The following GTF2H5 variants were observed in gnomAD, a reference collection of about 807,000 sequenced individuals.
GTF2H5 encodes the protein TFB5 ortholog.
GTF2H5 carries 5 observed loss-of-function variants against 7.1 expected under a neutral mutation model. That is an observed-to-expected ratio of 0.71 (90% CI 0.37 to 1.49). GTF2H5 has a LOEUF of 1.49. GTF2H5 is among the 40% of genes most tolerant of loss of function. The pLI is 0.03. For missense variants in GTF2H5, 80 were observed against 83.0 expected (o/e 0.96, Z 0.14); for synonymous variants, 30 against 31.7 (o/e 0.95, Z 0.18).
At chr6:158,179,080 C>T (rs913908943) in intron 2 of GTF2H5, among the ~76,000 whole-genome samples, 2 of 152,118 alleles carry the variant, frequency 1.3e-5, no homozygotes, top group South Asian at 2.1e-4. Context: ...CCAGTTTTCC[C>T]GACACCATTT....
intron 2 of GTF2H5, among the ~76,000 whole-genome samples, chr6:158,178,806 C>CA (rs1399410164): frequency 2.6e-5 from 4 of 152,176 alleles, no homozygotes; most frequent in Non-Finnish European, 5.9e-5. Context: ...GTTGCCTGTT[C>CA]ACTCTGATGA....
intron 2 of GTF2H5, 93 bp from the exon 3 acceptor site, chr6:158,191,884 C>A: frequency 1.0e-6 from 1 of 995,130 alleles, no homozygotes; most frequent in Non-Finnish European, 1.6e-6. Flanking sequence ...AAAAATCATT[C>A]TAAAAATTCT....
chr6:158,168,769 C>T (rs1334324007), intron 1 of GTF2H5, among the ~76,000 whole-genome samples: 1 of 152,248 alleles, frequency 6.6e-6, no homozygotes, highest in African/African-American at 2.4e-5. Flanking sequence ...GGAACTACGG[C>T]TTAATCTCTT....
At chr6:158,179,124 T>C (rs1430703515) in intron 2 of GTF2H5, among the ~76,000 whole-genome samples, 1 of 152,240 alleles carries the variant, frequency 6.6e-6, no homozygotes, top group Admixed American at 6.5e-5. Context: ...ATTGCTTGTG[T>C]GTGTCAGGTT....
At chr6:158,168,654 T>A (rs1483220449) in intron 1 of GTF2H5, among the ~76,000 whole-genome samples, 1 of 152,212 alleles carries the variant, frequency 6.6e-6, no homozygotes, top group Non-Finnish European at 1.5e-5. Context: ...TAAATGGGCG[T>A]ACGCTGAGTG....
intron 2 of GTF2H5, among the ~76,000 whole-genome samples, chr6:158,185,269 C>T (rs1006080312): frequency 5.9e-5 from 9 of 151,858 alleles, no homozygotes; most frequent in African/African-American, 9.7e-5. Flanking sequence ...ATGCCAGACA[C>T]GGTGGCACAC....
At chr6:158,177,195 C>T (rs1785945575) in intron 2 of GTF2H5, among the ~76,000 whole-genome samples, 1 of 152,228 alleles carries the variant, frequency 6.6e-6, no homozygotes. Flanking sequence ...TATATCCTCT[C>T]ACATGGTCTT....
In GTF2H5 at chr6:158,183,817, C is replaced by T. The variant is rs2114400; in HGVS notation, c.36-8160C>T. Among the ~76,000 whole-genome samples the T allele has an allele frequency of 4.9e-3, 753 of 152,356 alleles. 5 individuals carry two copies. Among genetic ancestry groups the T allele is most frequent in the African/African-American group, 0.017 (710 of 41,586 alleles). On this transcript the variant is annotated intron_variant, in intron 2 of 2. Transcript: ENST00000607778. ...CCAGGTATAGTCACTCATAGCTTCC[C>T]TTGGCTAGGAAAGGGAAATCCCCTG...
In GTF2H5 at chr6:158,198,464, G is replaced by A. The variant is rs974036964; in HGVS notation, c.*6307G>A. The A allele has an allele frequency of 2.6e-5, 4 of 152,040 alleles. No individual in the cohort carries two copies. The highest frequency in any genetic ancestry group is 2.6e-4 in the Admixed American group (4 of 15,256). The allele number at this position is 152,040 out of a possible 1,614,324, so 9.4% of individuals were successfully genotyped here. ...TTTATTTTTTTTGAAACAAGATCTC[G>A]CTCTGTTGCTCAGGCTGAAGTGCAA... is the stretch of plus-strand genomic sequence containing the variant. On this transcript the variant is annotated 3_prime_UTR_variant, in exon 3 of 3. Transcript: ENST00000607778.
Position 158,169,079 on chromosome 6 carries a change from C to A in GTF2H5, c.-35+684C>A, listed in dbSNP as rs890922286. On this transcript the variant is annotated intron_variant, in intron 1 of 2. Coordinates refer to ENST00000607778, the MANE Select transcript of GTF2H5 (RefSeq NM_207118.3). ...TGAAACCCTGCCTCTACTAAAAATACAAAATTTGGCCTGGCGTGGTGGCGG... is the reference window on the plus strand; with the variant it reads ...TGAAACCCTGCCTCTACTAAAAATAAAAAATTTGGCCTGGCGTGGTGGCGG... Among the ~76,000 whole-genome samples the A allele has an allele frequency of 6.6e-5, 10 of 151,254 alleles. 1 individual carries two copies. Among genetic ancestry groups the A allele is most frequent in the Admixed American group, 2.6e-4 (4 of 15,096 alleles).
At position 158,174,039 on chromosome 6, in the gene GTF2H5, A is replaced by G. The variant is rs375791284; in HGVS notation, c.35+3501A>G. On this transcript the variant is annotated intron_variant, in intron 2 of 2. Coordinates refer to ENST00000607778, the MANE Select transcript of GTF2H5 (RefSeq NM_207118.3). The stretch of plus-strand genomic sequence containing the variant: ...CGTGCGCATGCATTATGATTTGTGT[A>G]TGATAGTGGTGAAGGTTGCTTTTGT... Among the ~76,000 whole-genome samples, 174 of 152,052 alleles carry G rather than the reference A, an allele frequency of 1.1e-3. 1 individual carries two copies. The highest frequency in any genetic ancestry group is 3.9e-3 in the African/African-American group (163 of 41,474).
chr6:158,171,083 A>G (rs1373619747), intron 2 of GTF2H5, among the ~76,000 whole-genome samples: 3 of 152,182 alleles, frequency 2.0e-5, no homozygotes, highest in Non-Finnish European at 2.9e-5. Context: ...GAGCCAGTGC[A>G]TGGATAATGA....
At position 158,191,961 on chromosome 6, in the gene GTF2H5, GTGTT is replaced by G. The variant is rs1268804613; in HGVS notation, c.36-12_36-9del. 1 of 1,605,018 alleles carries G rather than the reference GTGTT, an allele frequency of 6.2e-7. No homozygotes were observed. Among genetic ancestry groups the G allele is most frequent in the Admixed American group, 1.7e-5 (1 of 60,016 alleles). Reference sequence around the variant, plus strand: ...TGACAACAAGCTGTCTTACAATCATGTGTTTGTCTTTACAGTGATCCTGCCATGA... The same window carrying G: ...TGACAACAAGCTGTCTTACAATCATGTGTCTTTACAGTGATCCTGCCATGA... On this transcript the variant is annotated splice_polypyrimidine_tract_variant and intron_variant, in intron 2 of 2. Transcript: ENST00000607778.
At position 158,169,720 on chromosome 6, in the gene GTF2H5, T is replaced by A. The variant is rs1392961799; in HGVS notation, c.-34-750T>A. Among the ~76,000 whole-genome samples the A allele has an allele frequency of 4.3e-5, 3 of 69,094 alleles. 1 individual carries two copies. Among genetic ancestry groups the A allele is most frequent in the African/African-American group, 3.1e-4 (3 of 9,796 alleles). The allele number at this position is 69,094 out of a possible 152,430, so 45.3% of individuals were successfully genotyped here. A position where few individuals can be genotyped will look rare whatever the true frequency, so the allele number is the denominator to read the frequency against. ...ATATAATATATTGTATATTATATAT[T>A]ATATAATATATTGTATATTATATAT... On this transcript the variant is annotated intron_variant, in intron 1 of 2. Transcript: ENST00000607778.
chr6:158,169,764 T>C lies in GTF2H5; in HGVS notation c.-34-706T>C, dbSNP rs1785810925. Reference sequence around the variant, plus strand: ...TATATATTATATAATATATTGTATATTATATATAATATATTGTATATTATA... The same window carrying C: ...TATATATTATATAATATATTGTATACTATATATAATATATTGTATATTATA... On this transcript the variant is annotated intron_variant, in intron 1 of 2. Transcript: ENST00000607778. Among the ~76,000 whole-genome samples the C allele has an allele frequency of 2.1e-5, 2 of 96,966 alleles. 1 individual carries two copies. Among genetic ancestry groups the C allele is most frequent in the Non-Finnish European group, 4.0e-5 (2 of 50,286 alleles). The allele number at this position is 96,966 out of a possible 152,430, so 63.6% of individuals were successfully genotyped here.
intron 2 of GTF2H5, among the ~76,000 whole-genome samples, chr6:158,173,553 G>A (rs1260585240): frequency 1.3e-5 from 2 of 152,160 alleles, no homozygotes; most frequent in East Asian, 1.9e-4. Context: ...TCCATGGATT[G>A]TATGAAGCAT....
intron 2 of GTF2H5, among the ~76,000 whole-genome samples, chr6:158,173,165 A>G (rs1325847901): frequency 6.6e-6 from 1 of 152,214 alleles, no homozygotes; most frequent in Non-Finnish European, 1.5e-5. Context: ...GCTTCAGTTT[A>G]ATAATGTTTC....
chr6:158,198,394 AC>A lies in GTF2H5; in HGVS notation c.*6238del, dbSNP rs1225560509. Reference sequence around the variant, plus strand: ...CATTGAAAGACTAGGCTATTTTTTCACTGTCCTCAGACATTTACTGAGTCCA... The same window carrying A: ...CATTGAAAGACTAGGCTATTTTTTCATGTCCTCAGACATTTACTGAGTCCA... On this transcript the variant is annotated 3_prime_UTR_variant, in exon 3 of 3. Transcript: ENST00000607778. 2 of 152,188 alleles carry A rather than the reference AC, an allele frequency of 1.3e-5. No individual in the cohort carries two copies. Among genetic ancestry groups the A allele is most frequent in the African/African-American group, 4.8e-5 (2 of 41,432 alleles). The allele number at this position is 152,188 out of a possible 1,614,324, so 9.4% of individuals were successfully genotyped here.
chr6:158,183,219 A>G (rs905568386), intron 2 of GTF2H5, among the ~76,000 whole-genome samples: 3 of 152,164 alleles, frequency 2.0e-5, no homozygotes, highest in African/African-American at 7.2e-5. Flanking sequence ...GCTGCAGAAC[A>G]GTAAATATTG....
Sources: allele counts gnomAD v4.1 joint callset (sites outside exome capture counted in the v4.1 genomes callset), GRCh38; gene constraint gnomAD v4.1.1; transcripts MANE v1.5; gene names NCBI Gene and HGNC (gene_info 2026-07-23, HGNC 2026-07-21).